The following MCTP2 variants were observed in gnomAD, a reference collection of about 807,000 sequenced individuals.
MCTP2 encodes multiple C2 and transmembrane domain containing 2.
MCTP2 carries 132 observed loss-of-function variants against 111.6 expected under a neutral mutation model. The ratio of observed to expected loss-of-function variants is 1.18; its 90% confidence interval spans 1.03 to 1.37. MCTP2 has a LOEUF of 1.37. Among genes scored for constraint, MCTP2 ranks in the 40% most tolerant of loss-of-function variants. The probability of loss-of-function intolerance (pLI) is 0.00; values close to 1 mark genes in which losing one functional copy is unlikely to be tolerated. For synonymous variants in MCTP2, 395 were observed against 387.7 expected (o/e 1.02, Z -0.22); for missense variants, 1,183 against 1,067.9 (o/e 1.11, Z -1.50).
chr15:94,465,748 GTTTA>G (rs2073222538), intron 20 of MCTP2, among the ~76,000 whole-genome samples: 1 of 151,970 alleles, frequency 6.6e-6, no homozygotes, highest in Non-Finnish European at 1.5e-5. Context: ...TAATAGTAGT[GTTTA>G]CTTGCTTGTT....
chr15:94,413,436 C>CT (rs552121253), intron 17 of MCTP2, among the ~76,000 whole-genome samples: 1,526 of 148,262 alleles, frequency 0.01, 19 homozygotes, highest in African/African-American at 0.031. Flanking sequence ...TTTAAGGCTT[C>CT]TTTTTTTTTT....
intron 1 of MCTP2, among the ~76,000 whole-genome samples, chr15:94,275,068 C>T (rs775283231): frequency 1.3e-4 from 20 of 152,108 alleles, no homozygotes; most frequent in East Asian, 3.8e-4. Flanking sequence ...ATCATATGAT[C>T]GCTTTGAAGG....
intron 1 of MCTP2, among the ~76,000 whole-genome samples, chr15:94,252,480 A>G (rs925095474): frequency 1.3e-5 from 2 of 152,202 alleles, no homozygotes; most frequent in African/African-American, 4.8e-5. Flanking sequence ...GATTCTAGTA[A>G]TGTCTCCATC....
intron 2 of MCTP2, among the ~76,000 whole-genome samples, chr15:94,305,148 A>G (rs2075820889): frequency 1.3e-5 from 2 of 152,094 alleles, no homozygotes; most frequent in African/African-American, 2.4e-5. Context: ...GTGATTAAGG[A>G]TAAGTGAGGT....
At position 94,481,093 on chromosome 15, in the gene MCTP2, C is replaced by T. The variant is rs769434891; in HGVS notation, c.*2059C>T. On this transcript the variant is annotated 3_prime_UTR_variant, in exon 23 of 23. Transcript: ENST00000357742. ...AACTTTTAGGAAAGATTCCAGAATG[C>T]TTTTGATAAAATTTATCGATTGTGG... 3 of 152,172 alleles carry T rather than the reference C, an allele frequency of 2.0e-5. No homozygotes were observed. The highest frequency in any genetic ancestry group is 4.4e-5 in the Non-Finnish European group (3 of 68,026). 9.4% of individuals were successfully genotyped at this position (152,172 alleles called of 1,614,324 possible).
intron 9 of MCTP2, among the ~76,000 whole-genome samples, chr15:94,357,711 G>A (rs927555251): frequency 3.9e-5 from 6 of 152,032 alleles, no homozygotes; most frequent in Non-Finnish European, 8.8e-5. Flanking sequence ...GTTAGTACGG[G>A]GATTTAATAC....
chr15:94,348,860 A>T (rs1193102043), intron 8 of MCTP2, among the ~76,000 whole-genome samples: 2 of 151,840 alleles, frequency 1.3e-5, no homozygotes, highest in Admixed American at 1.3e-4. Context: ...TCAAATGCCC[A>T]CTCCTAGTAA....
chr15:94,452,775 G>T (rs1006990308), intron 19 of MCTP2, among the ~76,000 whole-genome samples: 1 of 152,172 alleles, frequency 6.6e-6, no homozygotes, highest in Non-Finnish European at 1.5e-5. Context: ...TAGCATAGAA[G>T]CTACCATACT....
At chr15:94,386,713 T>C (rs1567593227) in intron 14 of MCTP2, among the ~76,000 whole-genome samples, 1 of 152,186 alleles carries the variant, frequency 6.6e-6, no homozygotes. Context: ...GGGGACACTT[T>C]AGAGAGGTCT....
At chr15:94,295,915 C>A (rs201389594) in intron 1 of MCTP2, among the ~76,000 whole-genome samples, 40 of 144,040 alleles carry the variant, frequency 2.8e-4, no homozygotes, top group South Asian at 4.4e-4. Flanking sequence ...GACCCTGACT[C>A]AAAAAAAAAA....
chr15:94,467,372 TTTCCTTAG>T (rs1332592166), intron 20 of MCTP2, among the ~76,000 whole-genome samples: 5 of 152,134 alleles, frequency 3.3e-5, no homozygotes, highest in African/African-American at 9.7e-5. Context: ...CAAATTTCTT[TTTCCTTAG>T]TTATTTGTTG....
chr15:94,329,593 T>C (rs1424333858), intron 4 of MCTP2, among the ~76,000 whole-genome samples: 8 of 152,240 alleles, frequency 5.3e-5, no homozygotes, highest in African/African-American at 1.9e-4. Flanking sequence ...CTCACTGTCA[T>C]GAAGACAGTA....
chr15:94,390,090 GTATATATATATATATATATATATGTA>G (rs1819564986), intron 14 of MCTP2, among the ~76,000 whole-genome samples: 4 of 64,926 alleles, frequency 6.2e-5, no homozygotes, highest in African/African-American at 1.7e-4. Flanking sequence ...ATATATATAT[GTATATATATATATATATATATATGTA>G]TATATATATA....
At chr15:94,250,452 C>G (rs1397257130) in intron 1 of MCTP2, among the ~76,000 whole-genome samples, 1 of 152,140 alleles carries the variant, frequency 6.6e-6, no homozygotes, top group Non-Finnish European at 1.5e-5. Flanking sequence ...AGCCTATGAA[C>G]ACTGGATTTT....
chr15:94,381,419 T>C (rs184121842), intron 12 of MCTP2, among the ~76,000 whole-genome samples: 6 of 152,344 alleles, frequency 3.9e-5, no homozygotes, highest in Admixed American at 3.9e-4. Flanking sequence ...TGGAGACACA[T>C]AACTGAAGTT....
At chr15:94,466,216 G>T (rs2073280907) in intron 20 of MCTP2, among the ~76,000 whole-genome samples, 1 of 151,958 alleles carries the variant, frequency 6.6e-6, no homozygotes, top group South Asian at 2.1e-4. Flanking sequence ...TTCAATATCT[G>T]AAATCTTTTC....
At chr15:94,252,292 TTTG>T (rs754101943) in intron 1 of MCTP2, among the ~76,000 whole-genome samples, 4 of 152,158 alleles carry the variant, frequency 2.6e-5, no homozygotes, top group Non-Finnish European at 4.4e-5. Context: ...CATTTTCTGT[TTTG>T]TTGTTGTTGA....
chr15:94,458,986 C>T (rs1489817288), intron 20 of MCTP2, among the ~76,000 whole-genome samples: 3 of 151,982 alleles, frequency 2.0e-5, no homozygotes, highest in Non-Finnish European at 4.4e-5. Flanking sequence ...GATAGCTAAA[C>T]TCTCTAATGG....
At chr15:94,283,706 T>C (rs1294552170) in intron 1 of MCTP2, among the ~76,000 whole-genome samples, 1 of 152,198 alleles carries the variant, frequency 6.6e-6, no homozygotes, top group Non-Finnish European at 1.5e-5. Flanking sequence ...TCTGAAGATC[T>C]GTTCAGAATA....
Sources: allele counts gnomAD v4.1 joint callset (sites outside exome capture counted in the v4.1 genomes callset), GRCh38; gene constraint gnomAD v4.1.1; transcripts MANE v1.5; gene names NCBI Gene and HGNC (gene_info 2026-07-23, HGNC 2026-07-21).